Variants in SLX4IP observed in about 807,000 individuals in gnomAD.
The protein encoded by SLX4IP is SLX4 interacting protein.
A neutral mutation model predicts 32.9 loss-of-function variants in SLX4IP; 34 were observed. The ratio of observed to expected loss-of-function variants is 1.03; its 90% CI spans 0.79 to 1.38. The LOEUF is 1.38. Among genes scored for constraint, SLX4IP ranks in the 40% most tolerant of loss-of-function variants. SLX4IP has a pLI of 0.00. For synonymous variants in SLX4IP, 172 were observed against 171.7 expected (o/e 1.00, Z -0.01); for missense variants, 444 against 479.0 (o/e 0.93, Z 0.68).
At position 10,601,725 on chromosome 20, in the gene SLX4IP, A is replaced by G. The variant is rs745962560; in HGVS notation, c.317-6A>G. The G allele has an allele frequency of 1.2e-5, 19 of 1,613,016 alleles. No homozygotes were observed. The South Asian group carries it at 1.6e-4, about 14-fold the overall frequency. On this transcript the variant is annotated splice_polypyrimidine_tract_variant and splice_region_variant and intron_variant, in intron 5 of 7. Transcript: ENST00000334534. Reference sequence around the variant, plus strand: ...CTTTAAACTTGTTTTTCTTCATTTTATACAGAACTCTGTGTATTCCCTGAC... The same window carrying G: ...CTTTAAACTTGTTTTTCTTCATTTTGTACAGAACTCTGTGTATTCCCTGAC...
chr20:10,436,565 G>A (rs2065117501), intron 1 of SLX4IP, among the ~76,000 whole-genome samples: 1 of 151,974 alleles, frequency 6.6e-6, no homozygotes, highest in African/African-American at 2.4e-5. Context: ...CATGTTGGCC[G>A]GGTTGTTCTC....
At chr20:10,464,311 T>C (rs919950921) in intron 2 of SLX4IP, among the ~76,000 whole-genome samples, 2 of 152,084 alleles carry the variant, frequency 1.3e-5, no homozygotes, top group Non-Finnish European at 2.9e-5. Flanking sequence ...TGTGCACCAC[T>C]ACACCCAGCT....
At chr20:10,586,661 A>T (rs542941687) in intron 4 of SLX4IP, among the ~76,000 whole-genome samples, 18 of 152,300 alleles carry the variant, frequency 1.2e-4, no homozygotes, top group African/African-American at 4.1e-4. Flanking sequence ...AATATTAGGA[A>T]TAGAAGTATT....
intron 1 of SLX4IP, among the ~76,000 whole-genome samples, chr20:10,453,231 T>C (rs1033322453): frequency 3.3e-5 from 5 of 152,216 alleles, no homozygotes; most frequent in African/African-American, 4.8e-5. Flanking sequence ...TGCCTTGTTA[T>C]TCTTCTGCTG....
chr20:10,542,613 C>T (rs980698282), intron 2 of SLX4IP, among the ~76,000 whole-genome samples: 3 of 152,230 alleles, frequency 2.0e-5, no homozygotes, highest in South Asian at 2.1e-4. Context: ...CTTTTCCCGG[C>T]CACTGCTGTT....
chr20:10,611,691 AAGATGTGATTTTCCAGGACAAAATCTG>A (rs1381416960), intron 6 of SLX4IP, among the ~76,000 whole-genome samples: 2 of 152,208 alleles, frequency 1.3e-5, no homozygotes, highest in African/African-American at 4.8e-5. Flanking sequence ...ATGGGGGTTG[AAGATGTGATTTTCCAGGACAAAATCTG>A]AGCATTGCTT....
At chr20:10,604,399 CT>C (rs1423858409) in intron 6 of SLX4IP, among the ~76,000 whole-genome samples, 1 of 151,124 alleles carries the variant, frequency 6.6e-6, no homozygotes, top group South Asian at 2.1e-4. Context: ...TTTCCTTCAT[CT>C]TTTTTTTTGG....
At chr20:10,556,886 A>G (rs1163997891) in intron 3 of SLX4IP, among the ~76,000 whole-genome samples, 1 of 152,244 alleles carries the variant, frequency 6.6e-6, no homozygotes, top group Non-Finnish European at 1.5e-5. Flanking sequence ...ACTGAGCCTC[A>G]GCCTCCTCAT....
intron 2 of SLX4IP, among the ~76,000 whole-genome samples, chr20:10,529,499 G>A (rs1312355241): frequency 6.9e-6 from 1 of 144,892 alleles, no homozygotes; most frequent in Non-Finnish European, 1.5e-5. Flanking sequence ...GCTGAGGCAG[G>A]AGAATTGCTT....
chr20:10,538,533 T>TC (rs2066069981), intron 2 of SLX4IP, among the ~76,000 whole-genome samples: 1 of 151,826 alleles, frequency 6.6e-6, no homozygotes, highest in Non-Finnish European at 1.5e-5. Context: ...CTTCATCTTT[T>TC]TTTTTTTTTT....
intron 2 of SLX4IP, among the ~76,000 whole-genome samples, chr20:10,500,130 CTTTTT>C (rs34751503): frequency 5.6e-5 from 5 of 90,074 alleles, no homozygotes; most frequent in Admixed American, 1.5e-4. Context: ...TGTCAAAATT[CTTTTT>C]TTTTTTTTTT....
intron 2 of SLX4IP, among the ~76,000 whole-genome samples, chr20:10,514,202 C>T (rs1225149128): frequency 6.6e-6 from 1 of 152,106 alleles, no homozygotes; most frequent in Non-Finnish European, 1.5e-5. Flanking sequence ...AGTGGGAAAC[C>T]GGTGAATATG....
chr20:10,447,457 T>C (rs1040524519), intron 1 of SLX4IP, among the ~76,000 whole-genome samples: 20 of 151,906 alleles, frequency 1.3e-4, no homozygotes, highest in Admixed American at 5.2e-4. Context: ...CTCGTATATA[T>C]TTTTTTCATT....
chr20:10,568,367 A>G (rs1172931890), intron 4 of SLX4IP, among the ~76,000 whole-genome samples: 1 of 152,254 alleles, frequency 6.6e-6, no homozygotes, highest in Non-Finnish European at 1.5e-5. Flanking sequence ...TTTCTCTGCC[A>G]GTAGATAGAA....
At chr20:10,614,144 C>G (rs577128627) in intron 6 of SLX4IP, 2 of 1,188,128 alleles carry the variant, frequency 1.7e-6, no homozygotes, top group South Asian at 1.3e-5. Flanking sequence ...CATCGGAGGC[C>G]TCGCGTTGCA....
chr20:10,484,978 G>A (rs1314362869), intron 2 of SLX4IP, among the ~76,000 whole-genome samples: 1 of 152,086 alleles, frequency 6.6e-6, no homozygotes, highest in Non-Finnish European at 1.5e-5. Flanking sequence ...AAGATGGCTT[G>A]AATGGGGGAC....
chr20:10,617,842 T>C (rs2067056653), intron 6 of SLX4IP, among the ~76,000 whole-genome samples: 1 of 152,010 alleles, frequency 6.6e-6, no homozygotes, highest in African/African-American at 2.4e-5. Context: ...GGTCTCACTA[T>C]GTTGCCTAGG....
At chr20:10,587,745 G>A (rs896721560) in intron 4 of SLX4IP, among the ~76,000 whole-genome samples, 2 of 152,074 alleles carry the variant, frequency 1.3e-5, no homozygotes, top group African/African-American at 4.8e-5. Flanking sequence ...ATGCAAAATG[G>A]GGAAAGAATA....
At chr20:10,466,357 T>C (rs1054924471) in intron 2 of SLX4IP, among the ~76,000 whole-genome samples, 1 of 152,258 alleles carries the variant, frequency 6.6e-6, no homozygotes, top group Non-Finnish European at 1.5e-5. Context: ...TAATTTCCTC[T>C]GCTTCCTGCA....
Sources: allele counts gnomAD v4.1 joint callset (sites outside exome capture counted in the v4.1 genomes callset), GRCh38; gene constraint gnomAD v4.1.1; transcripts MANE v1.5; gene names NCBI Gene and HGNC (gene_info 2026-07-23, HGNC 2026-07-21).